The following TMEM120A variants were observed in gnomAD, a reference collection of about 807,000 sequenced individuals.
TMEM120A encodes ion channel TACAN.
A neutral mutation model predicts 54.3 loss-of-function variants in TMEM120A; 45 were observed. The observed-to-expected ratio is 0.83, with a 90% CI of 0.65 to 1.06. The LOEUF (loss-of-function observed/expected upper bound fraction) is 1.06, where lower values mean the gene tolerates loss of function less well. Ranked by LOEUF, TMEM120A falls within the 50% of genes least tolerant of loss-of-function variation. The pLI, the probability that TMEM120A is intolerant of heterozygous loss-of-function variation, is 0.00. For synonymous variants in TMEM120A, 204 were observed against 178.5 expected, an observed-to-expected ratio of 1.14 and a Z score of -1.14; for missense variants, 424 against 441.7, an observed-to-expected ratio of 0.96 and a Z score of 0.36.
chr7:75,989,006 GGGGT>G (rs1370240362), intron 4 of TMEM120A, among the ~76,000 whole-genome samples, 155 bp downstream of exon 4: 1 of 8,696 alleles, frequency 1.1e-4, no homozygotes, highest in East Asian at 3.2e-3. Context: ...AAGGCCGGGT[GGGGT>G]GGGGGGTGGA....
chr7:75,988,041 CCTT>C, intron 7 of TMEM120A, 39 bp downstream of exon 7: 2 of 1,597,058 alleles, frequency 1.3e-6, no homozygotes, highest in South Asian at 1.1e-5. Flanking sequence ...TGTATCCCCT[CCTT>C]GTCCCAGCTC....
At chr7:75,991,136 C>T (rs1789829472) in intron 3 of TMEM120A, among the ~76,000 whole-genome samples, 3 of 152,160 alleles carry the variant, frequency 2.0e-5, no homozygotes, top group Admixed American at 1.3e-4. Context: ...TGCCTGCAGC[C>T]TCTGCTGGGA....
chr7:75,988,276 C>T lies in TMEM120A; in HGVS notation c.539G>A (p.Ser180Asn). Residue 180 changes from serine (S) to asparagine (N), a missense_variant, in exon 6 of 12, where the codon AGC (serine) becomes AAC (asparagine). Ser to Asn is a conservative substitution (Grantham distance 46, BLOSUM62 1). Coordinates refer to ENST00000493111, the MANE Select transcript of TMEM120A (RefSeq NM_031925.3). ...CCGGGAGCCGTTGTTGATGAGGATG[C>T]TCTCCCGGATGGTCAGGGTGCAGTA... Reference protein sequence around the residue: ...WYYCTLTIRESILINNGSRIK... With the variant: ...WYYCTLTIRENILINNGSRIK... 6 of 1,612,220 alleles carry T rather than the reference C, an allele frequency of 3.7e-6. No individual in the cohort carries two copies. The highest frequency in any genetic ancestry group is 1.7e-4 in the Middle Eastern group (1 of 6,060).
At position 75,992,140 on chromosome 7, in the gene TMEM120A, T is replaced by C; in HGVS notation, c.317+4A>G. The C allele has an allele frequency of 6.3e-7, 1 of 1,587,730 alleles. No homozygotes were observed. ...GAGCTGGGGGTGGCGGTGGGGGCCCTCACCCATTCTTCTTAGGCAAATAGG... is the reference window on the plus strand; with the variant it reads ...GAGCTGGGGGTGGCGGTGGGGGCCCCCACCCATTCTTCTTAGGCAAATAGG... On this transcript the variant is annotated splice_donor_region_variant and intron_variant, in intron 3 of 11. Transcript: ENST00000493111.
At position 75,986,886 on chromosome 7, in the gene TMEM120A, A is replaced by G. The variant is rs2116643957; in HGVS notation, c.*286T>C. The G allele has an allele frequency of 1.7e-6, 1 of 581,280 alleles. No homozygotes were observed. Among genetic ancestry groups the G allele is most frequent in the South Asian group, 2.2e-5 (1 of 44,566 alleles). 36.0% of individuals were successfully genotyped at this position (581,280 alleles called of 1,614,324 possible). A position where few individuals can be genotyped will look rare whatever the true frequency, so the allele number is the denominator to read the frequency against. On this transcript the variant is annotated 3_prime_UTR_variant, in exon 12 of 12. Coordinates refer to ENST00000493111, the MANE Select transcript of TMEM120A (RefSeq NM_031925.3). Reference sequence around the variant, plus strand: ...CTGGTATTGTGTGAGTAGATCTGGGACCTCCACCTGCATCAACTTAACTAA... The same window carrying G: ...CTGGTATTGTGTGAGTAGATCTGGGGCCTCCACCTGCATCAACTTAACTAA...
chr7:75,989,254 A>G lies in TMEM120A; in HGVS notation c.318-30T>C, dbSNP rs1178075887. 3.4e-6 allele frequency: 5 copies of G among 1,482,776 alleles called. No homozygotes were observed. In the East Asian group the frequency reaches 1.2e-4, roughly 36 times the overall value. The allele number at this position is 1,482,776 out of a possible 1,614,324, so 91.9% of individuals were successfully genotyped here. A position where few individuals can be genotyped will look rare whatever the true frequency, so the allele number is the denominator to read the frequency against. Reference sequence around the variant, plus strand: ...GGAAGGGGGTGGCGGGGTGAGGAGAAGCCCGAGTGACAGACAAGCCACCGG... The same window carrying G: ...GGAAGGGGGTGGCGGGGTGAGGAGAGGCCCGAGTGACAGACAAGCCACCGG... On this transcript the variant is annotated intron_variant, in intron 3 of 11. Transcript: ENST00000493111.
At chr7:75,990,267 A>G (rs1481248591) in intron 3 of TMEM120A, among the ~76,000 whole-genome samples, 1 of 152,072 alleles carries the variant, frequency 6.6e-6, no homozygotes, top group East Asian at 1.9e-4. Flanking sequence ...CCCCACCTGC[A>G]ACACTGCAGA....
chr7:75,987,434 C>CAGGG lies in TMEM120A; in HGVS notation c.850-10_850-7dup, dbSNP rs781833823. On this transcript the variant is annotated splice_polypyrimidine_tract_variant and splice_region_variant and intron_variant, in intron 10 of 11. Coordinates refer to ENST00000493111, the MANE Select transcript of TMEM120A (RefSeq NM_031925.3). ...GCGTTAAAAAGCTGCCAGAACTAAG[C>CAGGG]AGGGAGGAGGCATTTTACTCAGAAG... The CAGGG allele has an allele frequency of 3.8e-6, 6 of 1,560,212 alleles. No individual in the cohort carries two copies. In the Admixed American group the frequency reaches 7.7e-5, roughly 20 times the overall value.
Position 75,992,201 on chromosome 7 carries a change from A to C in TMEM120A, c.260T>G (p.Met87Arg), listed in dbSNP as rs782150303. 3.1e-6 allele frequency: 5 copies of C among 1,612,326 alleles called. No homozygotes were observed. Among genetic ancestry groups the C allele is most frequent in the Non-Finnish European group, 4.2e-6 (5 of 1,179,336 alleles). ...EGAAQELENQMKERQGLFFDM... is the reference protein window; with the variant it reads ...EGAAQELENQRKERQGLFFDM... The stretch of plus-strand genomic sequence containing the variant: ...AAAGAAGAGGCCTTGGCGCTCTTTC[A>C]TCTGGTTCTCCAGCTCCTGTGCGGC... The change falls in exon 3 of 12, where the codon ATG (methionine) becomes AGG (arginine). Residue 87 changes from methionine to arginine, a missense_variant. Met to Arg is a moderately conservative substitution (Grantham distance 91). Coordinates refer to ENST00000493111, the MANE Select transcript of TMEM120A (RefSeq NM_031925.3).
At position 75,989,190 on chromosome 7, in the gene TMEM120A, C is replaced by T. The variant is rs782307627; in HGVS notation, c.352G>A (p.Val118Ile). 1.3e-5 allele frequency: 19 copies of T among 1,446,928 alleles called. No individual in the cohort carries two copies. Among genetic ancestry groups the T allele is most frequent in the Non-Finnish European group, 1.7e-5 (18 of 1,078,278 alleles). The allele number at this position is 1,446,928 out of a possible 1,614,324, so 89.6% of individuals were successfully genotyped here. ...TTAGCCTGCTTGCTCAGGAGCGTGA[C>T]GTTGACGTTCCCCAGAACCAGGCTC... ...YLSLVLGNVN[V>I]TLLSKQAKFA... The change falls in exon 4 of 12, where the codon GTC (valine) becomes ATC (isoleucine). Residue 118 changes from valine (V) to isoleucine (I), a missense_variant. Coordinates refer to ENST00000493111, the MANE Select transcript of TMEM120A (RefSeq NM_031925.3).
intron 3 of TMEM120A, among the ~76,000 whole-genome samples, chr7:75,989,763 C>G (rs1000530798): frequency 2.0e-5 from 3 of 152,064 alleles, no homozygotes; most frequent in Admixed American, 1.3e-4. Flanking sequence ...ACCACGACCC[C>G]CCTTGTCCCT....
intron 1 of TMEM120A, 69 bp downstream of exon 1, chr7:75,994,421 G>A: frequency 7.0e-7 from 1 of 1,431,182 alleles, no homozygotes; most frequent in Non-Finnish European, 9.6e-7. Context: ...ACCCAGGGCT[G>A]CCCGACCCTT....
rs1308836313 is a variant in TMEM120A, at chr7:75,988,627, T to TGGGGGGTGGAGGGGAAGGCCAGGTGGGG, written c.378-112_378-111insCCCCACCTGGCCTTCCCCTCCACCCCCC. The TGGGGGGTGGAGGGGAAGGCCAGGTGGGG allele has an allele frequency of 3.2e-4, 96 of 303,474 alleles. 22 individuals are homozygous for TGGGGGGTGGAGGGGAAGGCCAGGTGGGG. In the African/African-American group the frequency reaches 5.4e-3, roughly 17 times the overall value. The allele number at this position is 303,474 out of a possible 1,614,324, so 18.8% of individuals were successfully genotyped here. ...TAGTCGGATGGAGGAGAAGGCCGGG[T>TGGGGGGTGGAGGGGAAGGCCAGGTGGGG]TGGGGGGTGGAGGGGAAGGCCAGGT... On this transcript the variant is annotated intron_variant, in intron 4 of 11. Transcript: ENST00000493111.
At chr7:75,990,897 CAAA>C (rs782090391) in intron 3 of TMEM120A, among the ~76,000 whole-genome samples, 505 of 45,558 alleles carry the variant, frequency 0.011, 3 homozygotes, top group African/African-American at 0.031. Flanking sequence ...GACTCTGTCT[CAAA>C]AAAAAAAAAA....
chr7:75,988,191 T>C (rs1554560630), intron 6 of TMEM120A, 43 bp from the exon 7 acceptor site: 2 of 1,611,674 alleles, frequency 1.2e-6, no homozygotes, highest in Non-Finnish European at 1.7e-6. Context: ...CTGTTCCTGC[T>C]TCCCGGAGGG....
intron 1 of TMEM120A, 53 bp from the exon 2 acceptor site, chr7:75,992,610 G>A: frequency 7.2e-7 from 1 of 1,380,772 alleles, no homozygotes; most frequent in Non-Finnish European, 9.9e-7. Context: ...CTGAGCCAGA[G>A]CCTGCAGGCA....
Position 75,987,981 on chromosome 7 carries a change from G to A in TMEM120A, c.633C>T (p.Pro211=), listed in dbSNP as rs376995698. ...TFLSGVMLTW[P]DGLMYQKFRN... is the part of the protein sequence containing the mutation. The stretch of plus-strand genomic sequence containing the variant: ...GGAATTTCTGGTACATGAGACCGTC[G>A]GGCCTAAGGTAAAAAGTGGAGGGCA... Residue 211 remains proline (P), a synonymous_variant, in exon 8 of 12, where the codon CCC becomes CCT. Coordinates refer to ENST00000493111, the MANE Select transcript of TMEM120A (RefSeq NM_031925.3). The A allele has an allele frequency of 9.7e-5, 156 of 1,600,008 alleles. No individual in the cohort carries two copies. Among genetic ancestry groups the A allele is most frequent in the Non-Finnish European group, 1.1e-4 (126 of 1,173,902 alleles).
chr7:75,991,147 T>C (rs1009408048), intron 3 of TMEM120A, among the ~76,000 whole-genome samples: 2 of 152,176 alleles, frequency 1.3e-5, no homozygotes, highest in Admixed American at 1.3e-4. Context: ...TCTGCTGGGA[T>C]TTTTTGCTCA....
chr7:75,993,490 AAGC>A (rs1462756378), intron 1 of TMEM120A, among the ~76,000 whole-genome samples: 1 of 152,240 alleles, frequency 6.6e-6, no homozygotes, highest in Non-Finnish European at 1.5e-5. Flanking sequence ...GAGGAGAGCC[AAGC>A]AGGGGCTGTG....
Sources: allele counts gnomAD v4.1 joint callset (sites outside exome capture counted in the v4.1 genomes callset), GRCh38; gene constraint gnomAD v4.1.1; transcripts MANE v1.5; gene names NCBI Gene and HGNC (gene_info 2026-07-23, HGNC 2026-07-21).